Variants in SPATA22 observed in about 807,000 individuals in gnomAD.
SPATA22 encodes the protein spermatogenesis associated 22.
SPATA22 carries 29 observed loss-of-function variants against 47.8 expected under a neutral mutation model. The observed-to-expected ratio is 0.61, with a 90% CI of 0.45 to 0.83. The LOEUF (loss-of-function observed/expected upper bound fraction) is 0.83. SPATA22 is among the 40% of genes least tolerant of loss of function. The pLI is 0.00. For missense variants in SPATA22, 410 were observed against 421.7 expected (o/e 0.97, Z 0.24); for synonymous variants, 133 against 140.9 (o/e 0.94, Z 0.40).
chr17:3,509,629 T>C (rs916575899), intron 1 of SPATA22, among the ~76,000 whole-genome samples: 1 of 152,230 alleles, frequency 6.6e-6, no homozygotes, highest in Non-Finnish European at 1.5e-5. Flanking sequence ...TAAACATATA[T>C]GTGCATGTGT....
chr17:3,449,223 T>C (rs376146850), intron 5 of SPATA22, 74 bp from the exon 6 acceptor site: 3 of 1,104,180 alleles, frequency 2.7e-6, no homozygotes, highest in South Asian at 3.4e-5. Context: ...TAATGAAAAA[T>C]TCATTTATAT....
chr17:3,466,421 G>A (rs2073316163), intron 3 of SPATA22, among the ~76,000 whole-genome samples: 1 of 152,002 alleles, frequency 6.6e-6, no homozygotes, highest in South Asian at 2.1e-4. Flanking sequence ...GAGGTAAGAG[G>A]CCTAACCCAA....
At chr17:3,504,117 AC>A (rs1193747354) in intron 1 of SPATA22, among the ~76,000 whole-genome samples, 1 of 151,244 alleles carries the variant, frequency 6.6e-6, no homozygotes, top group African/African-American at 2.4e-5. Flanking sequence ...CTCCCACCCC[AC>A]CTCAGACTGC....
rs10573788 is a variant in SPATA22, at chr17:3,513,849, GCA to G, written c.-513_-512del. 151,567 of 1,373,078 alleles carry G rather than the reference GCA, an allele frequency of 0.11. 11,391 individuals carry two copies. The highest frequency in any genetic ancestry group is 0.31 in the African/African-American group (21,594 of 69,634). 85.1% of individuals were successfully genotyped at this position (1,373,078 alleles called of 1,614,324 possible). On this transcript the variant is annotated 5_prime_UTR_variant, in exon 1 of 9. Transcript: ENST00000541913. ...CTCCACCATCCCTCAAAGCCTCTCTGCACAGAGTCGGTGACTCCGCCTGCAGC... is the reference window on the plus strand; with the variant it reads ...CTCCACCATCCCTCAAAGCCTCTCTGCAGAGTCGGTGACTCCGCCTGCAGC...
intron 1 of SPATA22, among the ~76,000 whole-genome samples, chr17:3,482,304 T>C (rs935796779): frequency 6.6e-6 from 1 of 152,138 alleles, no homozygotes; most frequent in Non-Finnish European, 1.5e-5. Flanking sequence ...CCTGCCCTCG[T>C]CCCCATTTGA....
At chr17:3,491,371 C>T (rs1422737198) in intron 1 of SPATA22, among the ~76,000 whole-genome samples, 3 of 151,942 alleles carry the variant, frequency 2.0e-5, no homozygotes, top group Non-Finnish European at 4.4e-5. Flanking sequence ...ATTCTGAGTC[C>T]GTAATCCAGG....
chr17:3,503,569 A>T (rs2150768105), intron 1 of SPATA22: 1 of 152,252 alleles, frequency 6.6e-6, no homozygotes, highest in African/African-American at 2.4e-5. Flanking sequence ...CTCAAATTTT[A>T]GTTATTTGTA....
At chr17:3,448,236 A>C (rs918925481) in intron 6 of SPATA22, among the ~76,000 whole-genome samples, 2 of 152,224 alleles carry the variant, frequency 1.3e-5, no homozygotes, top group Non-Finnish European at 2.9e-5. Context: ...CAAAGGTCAT[A>C]ATAAGTTGAT....
rs751567668 is a variant in SPATA22, at chr17:3,448,854, A to T, written c.625T>A (p.Tyr209Asn). The T allele has an allele frequency of 3.1e-6, 5 of 1,612,724 alleles. No homozygotes were observed. In the Admixed American group the frequency reaches 8.4e-5, roughly 27 times the overall value. ...ATATCATCCAACATTTGTTTCTTAT[A>T]TTGATTTTGTTGAAAATTGGGCTTA... Reference protein sequence around the residue: ...TLKPNFQQNQYKKQMLDDIPE... With the variant: ...TLKPNFQQNQNKKQMLDDIPE... Residue 209 changes from tyrosine (Y) to asparagine (N), a missense_variant, in exon 6 of 9, where the codon TAT becomes AAT. Physicochemically the swap from Tyr to Asn is moderately radical, Grantham distance 143 (BLOSUM62 -2). Transcript: ENST00000572969.
chr17:3,499,615 C>A (rs565879856), intron 1 of SPATA22: 1 of 152,446 alleles, frequency 6.6e-6, no homozygotes, highest in Non-Finnish European at 1.5e-5. Context: ...CTATGGTGAT[C>A]TGTGATCAGT....
chr17:3,450,417 G>T (rs1011214911), intron 5 of SPATA22, among the ~76,000 whole-genome samples: 10 of 152,084 alleles, frequency 6.6e-5, no homozygotes, highest in Non-Finnish European at 1.5e-4. Context: ...CAAACATCAC[G>T]ATACCCAGAA....
At chr17:3,446,138 C>A (rs1032703689) in intron 7 of SPATA22, among the ~76,000 whole-genome samples, 3 of 152,058 alleles carry the variant, frequency 2.0e-5, no homozygotes, top group Non-Finnish European at 4.4e-5. Flanking sequence ...ACATTGAACC[C>A]ACCCAAATAA....
At chr17:3,442,602 C>G (rs1193370174) in intron 8 of SPATA22, among the ~76,000 whole-genome samples, 1 of 151,982 alleles carries the variant, frequency 6.6e-6, no homozygotes, top group Non-Finnish European at 1.5e-5. Context: ...ACTACCCTTA[C>G]CCCTAACAGT....
At chr17:3,483,612 G>A (rs1171212721) in intron 1 of SPATA22, 1 of 1,571,556 alleles carries the variant, frequency 6.4e-7, no homozygotes, top group East Asian at 2.2e-5. Flanking sequence ...AGTTCCCACT[G>A]TCATAACTCA....
intron 7 of SPATA22, 22 bp from the exon 8 acceptor site, chr17:3,443,293 G>C: frequency 2.0e-6 from 3 of 1,519,510 alleles, no homozygotes; most frequent in Non-Finnish European, 2.7e-6. Flanking sequence ...TGAAATGGGG[G>C]AAAAAATGAA....
intron 3 of SPATA22, among the ~76,000 whole-genome samples, chr17:3,465,719 T>G (rs1489251514): frequency 2.7e-5 from 4 of 150,404 alleles, no homozygotes; most frequent in Non-Finnish European, 5.9e-5. Context: ...TTCCCTCCAC[T>G]ATTGTCCTAT....
chr17:3,498,770 G>A (rs1280003204), intron 1 of SPATA22: 12 of 1,005,922 alleles, frequency 1.2e-5, no homozygotes, highest in Admixed American at 3.4e-5. Context: ...TCAATGCCTC[G>A]CTCAAGTATC....
chr17:3,454,931 T>C (rs1350940380), intron 5 of SPATA22, among the ~76,000 whole-genome samples: 1 of 151,650 alleles, frequency 6.6e-6, no homozygotes, highest in African/African-American at 2.4e-5. Flanking sequence ...GTAAAAGTGT[T>C]CCTATTTCTC....
intron 7 of SPATA22, among the ~76,000 whole-genome samples, chr17:3,445,379 C>T (rs2072704961): frequency 6.6e-6 from 1 of 152,098 alleles, no homozygotes; most frequent in Admixed American, 6.6e-5. Context: ...ATGAGTAGGA[C>T]TTGATAAAGA....
Sources: gnomAD v4.1 joint callset for allele counts (sites outside exome capture counted in the v4.1 genomes callset) on GRCh38, gnomAD v4.1.1 for gene constraint, MANE v1.5 for transcripts, NCBI Gene and HGNC (gene_info 2026-07-23, HGNC 2026-07-21) for gene names.